The following TNFRSF8 variants were observed in gnomAD, a reference collection of about 807,000 sequenced individuals.
TNFRSF8 encodes the protein tumor necrosis factor receptor superfamily member 8.
TNFRSF8 carries 26 observed loss-of-function variants against 70.8 expected under a neutral mutation model. The ratio of observed to expected loss-of-function variants is 0.37; its 90% confidence interval spans 0.27 to 0.51. The LOEUF (loss-of-function observed/expected upper bound fraction) is 0.51. Among genes scored for constraint, TNFRSF8 ranks in the 20% least tolerant of loss-of-function variants. The probability of loss-of-function intolerance (pLI) is 0.94; values close to 1 mark genes in which losing one functional copy is unlikely to be tolerated. For synonymous variants in TNFRSF8, 356 were observed against 339.2 expected (o/e 1.05, Z -0.54); for missense variants, 720 against 807.9 (o/e 0.89, Z 1.32).
intron 2 of TNFRSF8, among the ~76,000 whole-genome samples, chr1:12,096,153 T>G (rs1641326470): frequency 6.6e-6 from 1 of 152,134 alleles, no homozygotes; most frequent in Non-Finnish European, 1.5e-5. Flanking sequence ...ATTGGCCTGC[T>G]TGGGTCATGT....
intron 7 of TNFRSF8, among the ~76,000 whole-genome samples, chr1:12,114,848 ACAGGCACGTGCCAC>A (rs1641699921): frequency 6.6e-6 from 1 of 151,682 alleles, no homozygotes; most frequent in Admixed American, 6.6e-5. Context: ...AGCTGGGATT[ACAGGCACGTGCCAC>A]CAGGCATGGC....
intron 9 of TNFRSF8, 136 bp downstream of exon 9, chr1:12,123,513 C>G (rs896343437): frequency 2.1e-6 from 2 of 964,992 alleles, no homozygotes; most frequent in Non-Finnish European, 3.0e-6. Flanking sequence ...AAATGTGTGC[C>G]CATCTCTTTG....
chr1:12,078,858 T>C (rs1641013490), intron 1 of TNFRSF8, among the ~76,000 whole-genome samples: 1 of 152,276 alleles, frequency 6.6e-6, no homozygotes, highest in African/African-American at 2.4e-5. Flanking sequence ...CAGCTTCTGC[T>C]AGGTCAGCGC....
intron 1 of TNFRSF8, among the ~76,000 whole-genome samples, chr1:12,081,493 A>C (rs918366939): frequency 6.6e-6 from 1 of 152,048 alleles, no homozygotes; most frequent in African/African-American, 2.4e-5. Flanking sequence ...TGGGTGACTT[A>C]AGAGAGGACA....
chr1:12,083,152 A>T (rs1641094667), intron 1 of TNFRSF8, among the ~76,000 whole-genome samples: 1 of 152,238 alleles, frequency 6.6e-6, no homozygotes, highest in Admixed American at 6.5e-5. Context: ...TTAAAAACTG[A>T]TACCACCAAG....
chr1:12,115,537 A>C (rs1641711400), intron 7 of TNFRSF8, 40 bp from the exon 8 acceptor site: 6 of 1,613,708 alleles, frequency 3.7e-6, no homozygotes, highest in South Asian at 3.3e-5. Context: ...TGCCCTTGCC[A>C]TACTGATCTT....
intron 12 of TNFRSF8, among the ~76,000 whole-genome samples, chr1:12,127,701 A>G (rs1335632289): frequency 6.6e-6 from 1 of 152,190 alleles, no homozygotes; most frequent in African/African-American, 2.4e-5. Flanking sequence ...GATAGTTTCA[A>G]GCCTGTTTCC....
chr1:12,116,629 C>G (rs1000388582), intron 8 of TNFRSF8, among the ~76,000 whole-genome samples: 1 of 151,932 alleles, frequency 6.6e-6, no homozygotes, highest in African/African-American at 2.4e-5. Context: ...GGCAAAACCC[C>G]GTCTCTACTA....
chr1:12,097,750 G>A (rs1354666247), intron 3 of TNFRSF8, among the ~76,000 whole-genome samples: 1 of 151,916 alleles, frequency 6.6e-6, no homozygotes, highest in Non-Finnish European at 1.5e-5. Flanking sequence ...GATTTTTTTG[G>A]GGGGTAGGGT....
intron 3 of TNFRSF8, among the ~76,000 whole-genome samples, chr1:12,103,241 G>A (rs562432256): frequency 1.3e-5 from 2 of 152,052 alleles, no homozygotes; most frequent in African/African-American, 4.8e-5. Flanking sequence ...GTGTGTGCCT[G>A]TAATCCCAGC....
Position 12,126,184 on chromosome 1 carries a change from G to C in TNFRSF8, c.1257G>C (p.Lys419Asn). The change falls in exon 12 of 15, where the codon AAG becomes AAC. Residue 419 changes from lysine to asparagine, a missense_variant and splice_region_variant. Coordinates refer to ENST00000263932, the MANE Select transcript of TNFRSF8 (RefSeq NM_001243.5). ...GCCTTCCTCCTGGTGTCGTTTCAGAGCTCCACCTGTGCTACCCGGTCCAGA... is the reference window on the plus strand; with the variant it reads ...GCCTTCCTCCTGGTGTCGTTTCAGACCTCCACCTGTGCTACCCGGTCCAGA... ...RRACRKRIRQ[K>N]LHLCYPVQTS... 6.2e-7 allele frequency: 1 copy of C among 1,614,104 alleles called. No homozygotes were observed.
In TNFRSF8 at chr1:12,072,577, T is replaced by C. The variant is rs529166351; in HGVS notation, c.63+8916T>C. ...TTAAACAGCACATCAGTGCTGGTGG[T>C]TGGGGCGAGCCTGGGGCCTGCTTTG... On this transcript the variant is annotated intron_variant, in intron 1 of 14. Coordinates refer to ENST00000263932, the MANE Select transcript of TNFRSF8 (RefSeq NM_001243.5). Among the ~76,000 whole-genome samples the C allele has an allele frequency of 1.1e-4, 16 of 152,194 alleles. No homozygotes were observed. In the South Asian group the frequency reaches 3.3e-3, roughly 32 times the overall value.
At chr1:12,105,646 A>C (rs1220386836) in intron 4 of TNFRSF8, among the ~76,000 whole-genome samples, 1 of 152,072 alleles carries the variant, frequency 6.6e-6, no homozygotes, top group Non-Finnish European at 1.5e-5. Flanking sequence ...CTCTAAAGAT[A>C]AGGACACAAG....
intron 2 of TNFRSF8, among the ~76,000 whole-genome samples, chr1:12,087,795 T>A (rs548199729): frequency 8.7e-4 from 132 of 152,172 alleles, no homozygotes; most frequent in African/African-American, 3.0e-3. Flanking sequence ...AAAAATGACA[T>A]CTCAGGTCCC....
rs369426338 is a variant in TNFRSF8, at chr1:12,119,949, G to A, written c.947-3335G>A. On this transcript the variant is annotated intron_variant, in intron 8 of 14. Transcript: ENST00000263932. This position sits in a 1 kb window ranked among gnomAD's most constrained non-coding sequence, Gnocchi z 4.4. ...TACACCCAGAGAGAAGCACAGGGCC[G>A]AAGCTAGAACCAGAATGCAGGGATC... Among the ~76,000 whole-genome samples the A allele has an allele frequency of 2.0e-5, 3 of 152,142 alleles. No homozygotes were observed. Among genetic ancestry groups the A allele is most frequent in the Non-Finnish European group, 2.9e-5 (2 of 68,012 alleles).
Position 12,108,294 on chromosome 1 carries a change from G to C in TNFRSF8, c.422-1272G>C, listed in dbSNP as rs1015331426. 6.6e-6 allele frequency among the ~76,000 whole-genome samples: 1 copy of C among 151,864 alleles called. No individual in the cohort carries two copies. Among genetic ancestry groups the C allele is most frequent in the Non-Finnish European group, 1.5e-5 (1 of 67,978 alleles). On this transcript the variant is annotated intron_variant, in intron 4 of 14. Transcript: ENST00000263932. The surrounding 1 kb of genome is among the most constrained non-coding windows in gnomAD (Gnocchi z 4.0). ...GGGGTTTCACTATGTTGTCCAGGCT[G>C]GTCTCGAACTCCTGACCTCATGATC...
chr1:12,094,620 TTTTTTTTTTTGC>T (rs1177666691), intron 2 of TNFRSF8, among the ~76,000 whole-genome samples: 2,758 of 150,706 alleles, frequency 0.018, 61 homozygotes, highest in East Asian at 0.06. Context: ...CTAGTTTTTT[TTTTTTTTTTTGC>T]TTTTTTTTTT....
rs1427511929 is a variant in TNFRSF8, at chr1:12,138,858, T to C, written c.1543+422T>C. 3.3e-5 allele frequency among the ~76,000 whole-genome samples: 5 copies of C among 152,180 alleles called. No homozygotes were observed. The highest frequency in any genetic ancestry group is 7.3e-5 in the Non-Finnish European group (5 of 68,046). On this transcript the variant is annotated intron_variant, in intron 14 of 14. Coordinates refer to ENST00000263932, the MANE Select transcript of TNFRSF8 (RefSeq NM_001243.5). This position sits in a 1 kb window ranked among gnomAD's most constrained non-coding sequence, Gnocchi z 5.7. ...TGGTGTCTTTCTCCCCATTTTACAG[T>C]TGGGGAGACCGTGGCTCAGAGGGTG...
At position 12,109,051 on chromosome 1, in the gene TNFRSF8, C is replaced by G. The variant is rs561415139; in HGVS notation, c.422-515C>G. On this transcript the variant is annotated intron_variant, in intron 4 of 14. Transcript: ENST00000263932. The surrounding 1 kb of genome is among the most constrained non-coding windows in gnomAD (Gnocchi z 4.4). ...TTCAGGCATGGCTGGATCCAGGGCTCCATCTTGCCCCATCTCTCACCTCTA... is the reference window on the plus strand; with the variant it reads ...TTCAGGCATGGCTGGATCCAGGGCTGCATCTTGCCCCATCTCTCACCTCTA... 4.6e-5 allele frequency among the ~76,000 whole-genome samples: 7 copies of G among 152,168 alleles called. No individual in the cohort carries two copies. Among genetic ancestry groups the G allele is most frequent in the Admixed American group, 4.6e-4 (7 of 15,270 alleles).
Sources: gnomAD v4.1 joint callset for allele counts (sites outside exome capture counted in the v4.1 genomes callset) on GRCh38, gnomAD v4.1.1 for gene constraint, Gnocchi (gnomAD v3.1) non-coding constraint, MANE v1.5 for transcripts, NCBI Gene and HGNC (gene_info 2026-07-23, HGNC 2026-07-21) for gene names.